CATSPERT: variants seen among roughly 807,000 people sequenced by gnomAD.
CATSPERT encodes the protein catsper channel auxiliary subunit tau.
At chr2:201,487,984 G>T in the CATSPERT span, 1 of 1,160,118 alleles carries the variant, frequency 8.6e-7, no homozygotes, top group Non-Finnish European at 1.2e-6. Flanking sequence ...TTCTGACATG[G>T]ATGGTCAAAA....
the CATSPERT span, chr2:201,553,856 T>C: frequency 2.0e-5 from 3 of 152,190 alleles, no homozygotes; most frequent in Non-Finnish European, 4.4e-5. Context: ...AGAAAATTTT[T>C]TGTATTAACT....
the CATSPERT span, among the ~76,000 whole-genome samples, chr2:201,600,085 G>A: frequency 1.3e-5 from 2 of 151,272 alleles, no homozygotes; most frequent in African/African-American, 2.4e-5. Flanking sequence ...CCCATTACTG[G>A]GCATATACCC....
the CATSPERT span, chr2:201,493,172 T>C: frequency 2.6e-5 from 40 of 1,529,138 alleles, no homozygotes; most frequent in South Asian, 4.3e-4. Context: ...AGTTTATCCA[T>C]TAATGAGTTA....
At chr2:201,591,355 G>C in the CATSPERT span, among the ~76,000 whole-genome samples, 1 of 152,058 alleles carries the variant, frequency 6.6e-6, no homozygotes, top group African/African-American at 2.4e-5. Context: ...TCTCTCTTTT[G>C]GTACCAGTAC....
At chr2:201,566,009 G>T in the CATSPERT span, 2 of 717,544 alleles carry the variant, frequency 2.8e-6, no homozygotes, top group Non-Finnish European at 4.1e-6. Context: ...GAAGGCTAGA[G>T]CTAGGAAAAA....
chr2:201,536,001 C>T, the CATSPERT span: 113 of 1,612,122 alleles, frequency 7.0e-5, no homozygotes, highest in African/African-American at 8.1e-4. Context: ...TGGATTTATA[C>T]AGATACTCCT....
chr2:201,538,412 C>G, the CATSPERT span, among the ~76,000 whole-genome samples: 1 of 152,076 alleles, frequency 6.6e-6, no homozygotes, highest in Admixed American at 6.6e-5. Context: ...TTGCACTTCT[C>G]AGATACTGTG....
chr2:201,597,501 C>T, the CATSPERT span, among the ~76,000 whole-genome samples: 1 of 152,144 alleles, frequency 6.6e-6, no homozygotes, highest in Non-Finnish European at 1.5e-5. Flanking sequence ...TCTCTTCTCC[C>T]TCTGCTCAGC....
At chr2:201,487,582 T>C in the CATSPERT span, 3 of 1,587,298 alleles carry the variant, frequency 1.9e-6, no homozygotes, top group Admixed American at 3.4e-5. Context: ...TTAAACATGT[T>C]TTATAATATC....
the CATSPERT span, among the ~76,000 whole-genome samples, chr2:201,522,441 GA>G: frequency 6.6e-6 from 1 of 152,106 alleles, no homozygotes; most frequent in Non-Finnish European, 1.5e-5. Flanking sequence ...CAGATCTTCG[GA>G]AGGAAGGCAT....
chr2:201,521,220 A>T, the CATSPERT span, among the ~76,000 whole-genome samples: 93,148 of 152,032 alleles, frequency 0.61, 30,328 homozygotes, highest in East Asian at 0.95. Context: ...AAATTGAAGC[A>T]GATAAAACTC....
the CATSPERT span, among the ~76,000 whole-genome samples, chr2:201,543,826 T>G: frequency 6.6e-6 from 1 of 152,200 alleles, no homozygotes; most frequent in Non-Finnish European, 1.5e-5. Context: ...TTATTATGTA[T>G]TTTAAAGTGT....
the CATSPERT span, chr2:201,492,811 T>G: frequency 8.5e-6 from 13 of 1,536,616 alleles, no homozygotes; most frequent in Admixed American, 2.0e-5. Flanking sequence ...TTGATAGATT[T>G]TTGGTAAGTC....
the CATSPERT span, chr2:201,493,171 A>G: frequency 6.5e-7 from 1 of 1,529,734 alleles, no homozygotes; most frequent in Admixed American, 2.0e-5. Context: ...AAGTTTATCC[A>G]TTAATGAGTT....
chr2:201,548,194 TC>T, the CATSPERT span, among the ~76,000 whole-genome samples: 1 of 152,008 alleles, frequency 6.6e-6, no homozygotes, highest in Non-Finnish European at 1.5e-5. Context: ...ATGCTATCCC[TC>T]CCCCAAACAA....
chr2:201,532,926 C>T, the CATSPERT span, among the ~76,000 whole-genome samples: 1 of 152,076 alleles, frequency 6.6e-6, no homozygotes, highest in Non-Finnish European at 1.5e-5. Context: ...TCTGTTAAGG[C>T]CTCAAAAAGA....
the CATSPERT span, among the ~76,000 whole-genome samples, chr2:201,617,253 A>G: frequency 6.6e-6 from 1 of 152,226 alleles, no homozygotes; most frequent in Non-Finnish European, 1.5e-5. Context: ...TTGCCAAGAC[A>G]ATCCTAAGCC....
chr2:201,543,144 C>T, the CATSPERT span, among the ~76,000 whole-genome samples: 1 of 152,186 alleles, frequency 6.6e-6, no homozygotes, highest in Non-Finnish European at 1.5e-5. Context: ...TGGCACACTT[C>T]TCAAAGATCA....
At chr2:201,529,174 C>T in the CATSPERT span, among the ~76,000 whole-genome samples, 1 of 152,078 alleles carries the variant, frequency 6.6e-6, no homozygotes, top group African/African-American at 2.4e-5. Context: ...CCATACTACC[C>T]AATGCAGTCT....
Sources: allele counts gnomAD v4.1 joint callset (sites outside exome capture counted in the v4.1 genomes callset), GRCh38; gene constraint gnomAD v4.1.1; transcripts MANE v1.5; gene names NCBI Gene and HGNC (gene_info 2026-07-23, HGNC 2026-07-21).